COL6A5: variants seen among roughly 807,000 people sequenced by gnomAD.
COL6A5 encodes the protein collagen type VI alpha 5 chain.
In COL6A5, 48 loss-of-function variants were observed where a neutral mutation model predicts 65.6. That is an observed-to-expected ratio of 0.73 (90% CI 0.58 to 0.93). The LOEUF (loss-of-function observed/expected upper bound fraction) is 0.93, where lower values mean the gene tolerates loss of function less well. COL6A5 is among the 40% of genes least tolerant of loss of function. COL6A5 has a pLI of 0.00. For missense variants in COL6A5, 914 were observed against 928.3 expected, an observed-to-expected ratio of 0.98 and a Z score of 0.20; for synonymous variants, 291 against 322.8, an observed-to-expected ratio of 0.90 and a Z score of 1.05.
At chr3:130,384,701 T>G (rs1936118049) in intron 4 of COL6A5, 103 bp from the exon 5 acceptor site, 1 of 933,774 alleles carries the variant, frequency 1.1e-6, no homozygotes, top group Non-Finnish European at 1.6e-6. Flanking sequence ...AAAAACGAAG[T>G]CTTCATTCTT....
intron 4 of COL6A5, among the ~76,000 whole-genome samples, chr3:130,451,449 A>G (rs1709433640): frequency 6.6e-6 from 1 of 152,120 alleles, no homozygotes. Context: ...ACAGAGAAGC[A>G]GGCTGAGTGG....
exon 5 of COL6A5, chr3:130,384,966 A>G (rs1936131432): frequency 6.4e-7 from 1 of 1,551,034 alleles, no homozygotes; most frequent in East Asian, 2.4e-5. Context: ...CAGTATTCAG[A>G]TGACACAGAA....
At chr3:130,430,841 T>C (rs2107693275), upstream of COL6A5, among the ~76,000 whole-genome samples, 1 of 152,324 alleles carries the variant, frequency 6.6e-6, no homozygotes, top group Non-Finnish European at 1.5e-5. Context: ...ATAATGATCC[T>C]TGCCAATACA....
At chr3:130,455,260 G>C (rs1487990761) in intron 4 of COL6A5, among the ~76,000 whole-genome samples, 195 bp from the exon 37 acceptor site, 1 of 151,926 alleles carries the variant, frequency 6.6e-6, no homozygotes, top group Non-Finnish European at 1.5e-5. Context: ...AGAATAAGTA[G>C]AAAATCTTAT....
upstream of COL6A5, among the ~76,000 whole-genome samples, chr3:130,429,306 A>G (rs1322281939): frequency 2.6e-5 from 4 of 152,164 alleles, no homozygotes; most frequent in Non-Finnish European, 4.4e-5. Context: ...AAGACAAGTG[A>G]TCAGTGTTTC....
intron 1 of COL6A5, among the ~76,000 whole-genome samples, chr3:130,371,904 C>A (rs560862382): frequency 6.6e-6 from 1 of 152,188 alleles, no homozygotes; most frequent in East Asian, 1.9e-4. Context: ...CACAGAATGG[C>A]AGGAGTATAT....
intron 4 of COL6A5, among the ~76,000 whole-genome samples, chr3:130,382,724 C>T (rs913206009): frequency 2.0e-5 from 3 of 152,086 alleles, no homozygotes; most frequent in African/African-American, 7.2e-5. Flanking sequence ...TGGCTTAGTC[C>T]CTGCTATATC....
At chr3:130,381,653 A>G (rs1391058) in intron 4 of COL6A5, among the ~76,000 whole-genome samples, 1 of 152,032 alleles carries the variant, frequency 6.6e-6, no homozygotes. Context: ...TAATTCTGAG[A>G]TATCTGCTGT....
At chr3:130,369,132 G>C (rs1296215209) in intron 1 of COL6A5, among the ~76,000 whole-genome samples, 4 of 152,178 alleles carry the variant, frequency 2.6e-5, no homozygotes, top group Non-Finnish European at 5.9e-5. Context: ...CTAGAAGGCA[G>C]GCATTAGGGA....
chr3:130,453,226 T>G lies in COL6A5; in HGVS notation c.1333-2229T>G, dbSNP rs979392218. Among the ~76,000 whole-genome samples, 26 of 151,994 alleles carry G rather than the reference T, an allele frequency of 1.7e-4. No individual in the cohort carries two copies. In the East Asian group the frequency reaches 1.9e-3, roughly 11 times the overall value. ...ACAAGAGTATTGATTGGGGAAGTGA[T>G]AAGTGTCCATGAAATCTTCACAATT... On this transcript the variant is annotated intron_variant, in intron 4 of 7. Coordinates refer to ENST00000512836, the Ensembl canonical transcript of COL6A5.
intron 4 of COL6A5, 37 bp downstream of exon 36, chr3:130,443,603 T>C: frequency 7.3e-7 from 1 of 1,363,170 alleles, no homozygotes; most frequent in South Asian, 1.2e-5. Flanking sequence ...AAGTGACTGC[T>C]AATTGGCTGA....
exon 21 of COL6A5, chr3:130,413,580 A>G (rs1937245659): frequency 6.5e-7 from 1 of 1,549,002 alleles, no homozygotes; most frequent in African/African-American, 1.4e-5. Flanking sequence ...GAGGTGTCTC[A>G]GTAAGTAACC....
intron 25 of COL6A5, among the ~76,000 whole-genome samples, chr3:130,420,775 C>T (rs1049589336): frequency 6.6e-5 from 10 of 151,874 alleles, no homozygotes; most frequent in Admixed American, 6.6e-4. Flanking sequence ...TTTTTGTTAC[C>T]AGGGAGGACG....
At chr3:130,365,218 G>C (rs1935289093) in intron 1 of COL6A5, among the ~76,000 whole-genome samples, 1 of 152,196 alleles carries the variant, frequency 6.6e-6, no homozygotes, top group South Asian at 2.1e-4. Context: ...AGAATCCTCA[G>C]AAGGAGTAAT....
rs1937539855 is a variant in COL6A5 at position 130,422,789 on chromosome 3, AGCC to A, written c.5100+8_5100+10del. ...AGGATTTAGGGGACTAGCAGTAAGT[AGCC>A]TATAATTCCAGAAATGATAAATATT... On this transcript the variant is annotated splice_region_variant and intron_variant and NMD_transcript_variant, in intron 28 of 41. Transcript: ENST00000312481. The A allele has an allele frequency of 6.8e-7, 1 of 1,461,154 alleles. No homozygotes were observed. The highest frequency in any genetic ancestry group is 2.5e-5 in the Admixed American group (1 of 39,350). 90.5% of individuals were successfully genotyped at this position (1,461,154 alleles called of 1,614,324 possible).
chr3:130,358,811 A>G (rs1935012531), intron 1 of COL6A5, among the ~76,000 whole-genome samples: 1 of 152,172 alleles, frequency 6.6e-6, no homozygotes, highest in Admixed American at 6.5e-5. Flanking sequence ...TTTTGACCCC[A>G]AATTTCCATT....
At chr3:130,376,668 G>C in exon 3 of COL6A5, 2 of 1,613,480 alleles carry the variant, frequency 1.2e-6, no homozygotes, top group Non-Finnish European at 1.7e-6. Context: ...AATTATCTCC[G>C]TGGGGGTGCA....
intron 4 of COL6A5, among the ~76,000 whole-genome samples, chr3:130,381,359 A>G (rs1935987493): frequency 6.6e-6 from 1 of 152,138 alleles, no homozygotes; most frequent in Admixed American, 6.5e-5. Context: ...TGAGAAAAAT[A>G]TTCCATTTAA....
chr3:130,376,859 A>C, intron 3 of COL6A5, 23 bp downstream of exon 3: 1 of 1,582,074 alleles, frequency 6.3e-7, no homozygotes, highest in Non-Finnish European at 8.6e-7. Context: ...TTGGTTGAAG[A>C]GGTGCCTGAT....
Sources: gnomAD v4.1 joint callset for allele counts (sites outside exome capture counted in the v4.1 genomes callset) on GRCh38, gnomAD v4.1.1 for gene constraint, MANE v1.5 for transcripts, NCBI Gene and HGNC (gene_info 2026-07-23, HGNC 2026-07-21) for gene names.